Variants in LOC400499 observed in about 807,000 individuals in gnomAD.
the LOC400499 span, among the ~76,000 whole-genome samples, chr16:11,515,447 C>A: frequency 6.6e-6 from 1 of 151,982 alleles, no homozygotes; most frequent in South Asian, 2.1e-4. Flanking sequence ...CAGAGTGGGA[C>A]TCTGCCTCTA....
the LOC400499 span, chr16:11,387,341 G>A: frequency 8.2e-7 from 1 of 1,225,248 alleles, no homozygotes; most frequent in Non-Finnish European, 1.0e-6. Context: ...CCCGAGCCTT[G>A]CTTCCCTTGG....
the LOC400499 span, among the ~76,000 whole-genome samples, chr16:11,450,107 C>T: frequency 6.6e-6 from 1 of 152,214 alleles, no homozygotes; most frequent in Non-Finnish European, 1.5e-5. Flanking sequence ...CCAATCAAGG[C>T]CCAGACCTTC....
chr16:11,449,049 G>C, the LOC400499 span: 45 of 1,490,518 alleles, frequency 3.0e-5, no homozygotes, highest in Non-Finnish European at 3.9e-5. Context: ...GTTCCAGGCT[G>C]ACTCGAGTTC....
chr16:11,438,607 C>CAAAAAAAA, the LOC400499 span, among the ~76,000 whole-genome samples: 2 of 59,850 alleles, frequency 3.3e-5, no homozygotes, highest in Admixed American at 2.0e-4. Flanking sequence ...CCTGTCTCTG[C>CAAAAAAAA]AAAAAAAAAA....
the LOC400499 span, chr16:11,478,037 G>A: frequency 2.5e-6 from 1 of 396,762 alleles, no homozygotes; most frequent in Non-Finnish European, 4.5e-6. Flanking sequence ...CGGGGGCCGG[G>A]CTCGGTGGCT....
chr16:11,457,736 T>C, the LOC400499 span, among the ~76,000 whole-genome samples: 1 of 152,098 alleles, frequency 6.6e-6, no homozygotes, highest in Non-Finnish European at 1.5e-5. Context: ...ACAGCATTTA[T>C]TCACAATAGC....
chr16:11,467,857 G>A, the LOC400499 span, among the ~76,000 whole-genome samples: 1 of 152,180 alleles, frequency 6.6e-6, no homozygotes, highest in South Asian at 2.1e-4. Flanking sequence ...ACCTTATTCG[G>A]AAATAGGGTC....
the LOC400499 span, among the ~76,000 whole-genome samples, chr16:11,479,444 C>G: frequency 1.4e-5 from 2 of 142,414 alleles, no homozygotes; most frequent in African/African-American, 2.8e-5. Flanking sequence ...GAGACCCTAT[C>G]TCTACAAAAT....
the LOC400499 span, chr16:11,414,210 A>G: frequency 1.0e-5 from 4 of 398,164 alleles, no homozygotes; most frequent in Non-Finnish European, 1.8e-5. Context: ...GCCTTTGTAA[A>G]TTGTCAAGTA....
chr16:11,515,392 G>C, the LOC400499 span, among the ~76,000 whole-genome samples: 7 of 152,042 alleles, frequency 4.6e-5, no homozygotes, highest in African/African-American at 1.7e-4. Flanking sequence ...GGAGTTGAAG[G>C]CTGCACTGAG....
At chr16:11,430,722 A>T in the LOC400499 span, among the ~76,000 whole-genome samples, 1 of 152,186 alleles carries the variant, frequency 6.6e-6, no homozygotes, top group Non-Finnish European at 1.5e-5. Flanking sequence ...AGGTATTCCA[A>T]AATATATGCC....
the LOC400499 span, chr16:11,383,509 A>T: frequency 9.8e-7 from 1 of 1,017,108 alleles, no homozygotes; most frequent in Non-Finnish European, 1.3e-6. Context: ...CAGTCTTAAT[A>T]AATGTTGTGA....
the LOC400499 span, chr16:11,478,506 T>G: frequency 7.5e-6 from 3 of 398,942 alleles, no homozygotes; most frequent in African/African-American, 2.1e-5. Context: ...GCAGATGGCA[T>G]GGGCAGGGGC....
chr16:11,475,951 G>T, the LOC400499 span, among the ~76,000 whole-genome samples: 1 of 151,598 alleles, frequency 6.6e-6, no homozygotes, highest in Non-Finnish European at 1.5e-5. Context: ...CATGGCACAG[G>T]GCTGTCTCGG....
chr16:11,421,986 A>T, the LOC400499 span, among the ~76,000 whole-genome samples: 1 of 152,238 alleles, frequency 6.6e-6, no homozygotes, highest in African/African-American at 2.4e-5. Flanking sequence ...GGAGGGTTTG[A>T]GACGTGGCAA....
chr16:11,406,145 A>G, the LOC400499 span, among the ~76,000 whole-genome samples: 1 of 152,174 alleles, frequency 6.6e-6, no homozygotes, highest in African/African-American at 2.4e-5. Context: ...CCAGGCAGGT[A>G]ATTTTCCAAC....
At chr16:11,406,051 G>A in the LOC400499 span, among the ~76,000 whole-genome samples, 1 of 152,206 alleles carries the variant, frequency 6.6e-6, no homozygotes, top group African/African-American at 2.4e-5. Context: ...GGGGGTCAGT[G>A]TGCATGTTTG....
At chr16:11,407,954 A>C in the LOC400499 span, among the ~76,000 whole-genome samples, 1 of 147,338 alleles carries the variant, frequency 6.8e-6, no homozygotes, top group Non-Finnish European at 1.5e-5. Context: ...AGTCTCTGGG[A>C]AGATGTTCCA....
At chr16:11,455,416 T>C in the LOC400499 span, among the ~76,000 whole-genome samples, 228 of 152,226 alleles carry the variant, frequency 1.5e-3, no homozygotes, top group Non-Finnish European at 2.8e-3. Flanking sequence ...TAAAAGAATT[T>C]AGCGTGCTTA....
Sources: gnomAD v4.1 joint callset for allele counts (sites outside exome capture counted in the v4.1 genomes callset) on GRCh38, gnomAD v4.1.1 for gene constraint, MANE v1.5 for transcripts.